Variants in SYNDIG1L observed in about 807,000 individuals in gnomAD.
SYNDIG1L encodes the protein synapse differentiation inducing 1 like.
In SYNDIG1L, 13 loss-of-function variants were observed where a neutral mutation model predicts 20.1. The ratio of observed to expected loss-of-function variants is 0.65; its 90% CI spans 0.42 to 1.03. The LOEUF is 1.03. Among genes scored for constraint, SYNDIG1L ranks in the 50% least tolerant of loss-of-function variants. The pLI is 0.00. For missense variants in SYNDIG1L, 294 were observed against 305.1 expected, an observed-to-expected ratio of 0.96 and a Z score of 0.27; for synonymous variants, 128 against 129.3, an observed-to-expected ratio of 0.99 and a Z score of 0.07.
the SYNDIG1L span, among the ~76,000 whole-genome samples, chr14:74,477,147 A>C: frequency 3.0e-4 from 42 of 138,778 alleles, no homozygotes; most frequent in African/African-American, 9.1e-4. Context: ...ACACACACAC[A>C]CCCTCGCCTG....
the SYNDIG1L span, among the ~76,000 whole-genome samples, chr14:74,440,986 G>C: frequency 1.3e-5 from 2 of 152,172 alleles, no homozygotes; most frequent in Non-Finnish European, 2.9e-5. Flanking sequence ...TATCTGTAAA[G>C]TGGGACTAAT....
chr14:74,427,982 A>C (rs1283129575), upstream of SYNDIG1L, among the ~76,000 whole-genome samples: 7 of 152,248 alleles, frequency 4.6e-5, no homozygotes, highest in Non-Finnish European at 1.0e-4. Flanking sequence ...ATAATAAAAA[A>C]GCCAGTGAAG....
In SYNDIG1L at chr14:74,405,977, G is replaced by C. The variant is rs962254640; in HGVS notation, c.*1558C>G. The C allele has an allele frequency of 3.5e-5, 14 of 398,832 alleles. No individual in the cohort carries two copies. The highest frequency in any genetic ancestry group is 5.7e-5 in the Non-Finnish European group (13 of 226,298). The allele number at this position is 398,832 out of a possible 1,614,324, so 24.7% of individuals were successfully genotyped here. ...AACTGCTGTGATGCAGGAGTGGAGG[G>C]CTGGGCAGTGCCCGAGGCAGGGGAG... On this transcript the variant is annotated 3_prime_UTR_variant, in exon 4 of 4. Transcript: ENST00000331628.
the SYNDIG1L span, among the ~76,000 whole-genome samples, chr14:74,478,197 C>G: frequency 6.9e-3 from 1,050 of 152,272 alleles, 11 homozygotes; most frequent in African/African-American, 0.024. Flanking sequence ...GACCACCCCA[C>G]CAAATTTTAA....
At chr14:74,466,332 G>C in the SYNDIG1L span, among the ~76,000 whole-genome samples, 1 of 152,152 alleles carries the variant, frequency 6.6e-6, no homozygotes, top group Non-Finnish European at 1.5e-5. Flanking sequence ...CATGGATACT[G>C]GTTGGGTGGG....
chr14:74,408,938 G>T (rs375380072), intron 2 of SYNDIG1L, among the ~76,000 whole-genome samples: 3 of 152,026 alleles, frequency 2.0e-5, no homozygotes, highest in Non-Finnish European at 4.4e-5. Flanking sequence ...TCAAAGCATC[G>T]GCTGTACATG....
the SYNDIG1L span, among the ~76,000 whole-genome samples, chr14:74,476,948 C>T: frequency 6.6e-6 from 1 of 151,888 alleles, no homozygotes; most frequent in African/African-American, 2.4e-5. Context: ...TGACTCAAAT[C>T]CTTCAAAGAC....
the SYNDIG1L span, chr14:74,480,110 AC>A: frequency 6.4e-7 from 1 of 1,553,230 alleles, no homozygotes; most frequent in Non-Finnish European, 8.7e-7. Context: ...ACCACTGAGA[AC>A]CAGCCACCCG....
At chr14:74,410,207 G>T (rs2086120551) in intron 1 of SYNDIG1L, among the ~76,000 whole-genome samples, 2 of 152,234 alleles carry the variant, frequency 1.3e-5, no homozygotes, top group Non-Finnish European at 2.9e-5. Context: ...CTGCCCTGAA[G>T]AAGTACAGCA....
chr14:74,456,920 A>G, the SYNDIG1L span, among the ~76,000 whole-genome samples: 3 of 152,194 alleles, frequency 2.0e-5, no homozygotes, highest in African/African-American at 7.2e-5. Flanking sequence ...AGAACTAGCC[A>G]TGGTGAAGGC....
the SYNDIG1L span, among the ~76,000 whole-genome samples, chr14:74,463,719 A>T: frequency 2.0e-5 from 3 of 152,172 alleles, no homozygotes; most frequent in Non-Finnish European, 4.4e-5. Flanking sequence ...CCTTTGCCTT[A>T]AGAAATATGA....
chr14:74,450,407 C>G, the SYNDIG1L span, among the ~76,000 whole-genome samples: 1 of 152,074 alleles, frequency 6.6e-6, no homozygotes, highest in African/African-American at 2.4e-5. Flanking sequence ...GAACAATATC[C>G]TGCATGAATA....
the SYNDIG1L span, among the ~76,000 whole-genome samples, chr14:74,433,410 G>A: frequency 6.6e-6 from 1 of 151,504 alleles, no homozygotes; most frequent in Non-Finnish European, 1.5e-5. Flanking sequence ...TTGAGACGGA[G>A]TCTTGCTCTG....
At chr14:74,425,346 A>T (rs1237805334) in intron 1 of SYNDIG1L, among the ~76,000 whole-genome samples, 1 of 152,180 alleles carries the variant, frequency 6.6e-6, no homozygotes, top group Non-Finnish European at 1.5e-5. Flanking sequence ...AGGAAAAAAA[A>T]TTGAGGTATC....
At chr14:74,457,064 G>C in the SYNDIG1L span, among the ~76,000 whole-genome samples, 6 of 152,166 alleles carry the variant, frequency 3.9e-5, no homozygotes, top group Non-Finnish European at 8.8e-5. Flanking sequence ...AAGCATCTGG[G>C]GCCAGCGTGC....
At chr14:74,417,396 G>T (rs1477014083) in intron 1 of SYNDIG1L, among the ~76,000 whole-genome samples, 2 of 152,208 alleles carry the variant, frequency 1.3e-5, no homozygotes, top group African/African-American at 2.4e-5. Context: ...CATGAACACT[G>T]TTAAAGAGAG....
chr14:74,407,852 CT>C lies in SYNDIG1L; in HGVS notation c.554del (p.Gln185ArgfsTer25), dbSNP rs768110995. On this transcript the variant is annotated frameshift_variant, in exon 3 of 4. Transcript: ENST00000331628. LOFTEE classifies it high-confidence loss of function. ...CCTGGGCCCCAGGTGCTCTTACCCC[CT>C]GGGAGAAGTAGAAGGCAGCAATGCC... ...PLGIAAFYFS[Q>X]GTSKAISKGD... 6.2e-7 allele frequency: 1 copy of C among 1,612,122 alleles called. No individual in the cohort carries two copies. Among genetic ancestry groups the C allele is most frequent in the Non-Finnish European group, 8.5e-7 (1 of 1,178,974 alleles).
chr14:74,473,797 A>G, the SYNDIG1L span, among the ~76,000 whole-genome samples: 1 of 152,228 alleles, frequency 6.6e-6, no homozygotes, highest in South Asian at 2.1e-4. Context: ...AAATTCCACC[A>G]GACTTCATGA....
the SYNDIG1L span, among the ~76,000 whole-genome samples, chr14:74,475,309 T>G: frequency 6.6e-6 from 1 of 151,426 alleles, no homozygotes; most frequent in African/African-American, 2.4e-5. Flanking sequence ...ATGTCATCAT[T>G]AGAACCACCT....
Sources: gnomAD v4.1 joint callset for allele counts (sites outside exome capture counted in the v4.1 genomes callset) on GRCh38, gnomAD v4.1.1 for gene constraint, MANE v1.5 for transcripts, NCBI Gene and HGNC (gene_info 2026-07-23, HGNC 2026-07-21) for gene names.